The following SGCZ variants were observed in gnomAD, a reference collection of about 807,000 sequenced individuals.
The protein encoded by SGCZ is zeta-sarcoglycan.
Under a neutral mutation model 41.3 loss-of-function variants are expected in SGCZ, and 40 were observed. The observed-to-expected ratio is 0.97, with a 90% CI of 0.75 to 1.26. The LOEUF is 1.26. SGCZ is among the 50% of genes most tolerant of loss of function. The probability of loss-of-function intolerance (pLI) is 0.00; values close to 1 mark genes in which losing one functional copy is unlikely to be tolerated. For missense variants in SGCZ, 552 were observed against 369.8 expected, an observed-to-expected ratio of 1.49 and a Z score of -4.04; for synonymous variants, 206 against 137.5, an observed-to-expected ratio of 1.50 and a Z score of -3.49.
In SGCZ at chr8:15,143,599, A is replaced by G. The variant is rs565900145; in HGVS notation, c.39+93986T>C. ...TGAAAACCATGGCTTACAAAAACAC[A>G]TGGGTTTAACCCATCTATTAACACA... On this transcript the variant is annotated intron_variant, in intron 1 of 7. Coordinates refer to ENST00000382080, the MANE Select transcript of SGCZ (RefSeq NM_139167.4). 1.7e-4 allele frequency among the ~76,000 whole-genome samples: 26 copies of G among 152,352 alleles called. No individual in the cohort carries two copies. The South Asian group carries it at 4.1e-3, about 24-fold the overall frequency.
intron 1 of SGCZ, among the ~76,000 whole-genome samples, chr8:14,795,136 T>C (rs1801082587): frequency 6.6e-6 from 1 of 152,124 alleles, no homozygotes; most frequent in South Asian, 2.1e-4. Flanking sequence ...GGGTTTAAAA[T>C]CAAAATGGAT....
At chr8:14,501,974 A>C (rs1173113743) in intron 2 of SGCZ, among the ~76,000 whole-genome samples, 2 of 152,158 alleles carry the variant, frequency 1.3e-5, no homozygotes, top group Non-Finnish European at 2.9e-5. Context: ...AGTATAATCC[A>C]TAATCATTTG....
At chr8:14,253,370 T>G in intron 3 of SGCZ, among the ~76,000 whole-genome samples, 1 of 152,118 alleles carries the variant, frequency 6.6e-6, no homozygotes, top group East Asian at 1.9e-4. Context: ...TATTATAAGA[T>G]AAAAGCATAG....
intron 1 of SGCZ, among the ~76,000 whole-genome samples, chr8:14,812,299 G>T (rs1427693608): frequency 6.6e-6 from 1 of 151,914 alleles, no homozygotes; most frequent in Non-Finnish European, 1.5e-5. Flanking sequence ...ACAGAATATT[G>T]TCTCTGCCCT....
At position 14,403,196 on chromosome 8, in the gene SGCZ, C is replaced by T. The variant is rs1454072248; in HGVS notation, c.235-78992G>A. Among the ~76,000 whole-genome samples, 16 of 150,002 alleles carry T rather than the reference C, an allele frequency of 1.1e-4. 1 individual carries two copies. Among genetic ancestry groups the T allele is most frequent in the African/African-American group, 1.5e-4 (6 of 39,444 alleles). On this transcript the variant is annotated intron_variant, in intron 2 of 7. Coordinates refer to ENST00000382080, the MANE Select transcript of SGCZ (RefSeq NM_139167.4). ...AGCTTAAGGAGATTTTGGGCTGAGA[C>T]GATGGGGTTTTCTAGATATACAATC... is the stretch of plus-strand genomic sequence containing the variant.
At chr8:14,281,364 C>G (rs1349403672) in intron 3 of SGCZ, among the ~76,000 whole-genome samples, 1 of 151,950 alleles carries the variant, frequency 6.6e-6, no homozygotes. Flanking sequence ...AAAACTGTCA[C>G]TATTAGCTCC....
chr8:14,914,098 A>G (rs747020890), intron 1 of SGCZ, among the ~76,000 whole-genome samples: 10 of 151,998 alleles, frequency 6.6e-5, no homozygotes, highest in Non-Finnish European at 1.0e-4. Context: ...GGTGTGAGAG[A>G]TTACTCAGAA....
At chr8:14,833,868 C>T (rs1461985726) in intron 1 of SGCZ, among the ~76,000 whole-genome samples, 1 of 151,924 alleles carries the variant, frequency 6.6e-6, no homozygotes, top group Non-Finnish European at 1.5e-5. Flanking sequence ...ATAAATGGGT[C>T]CTCTCTAAGA....
intron 1 of SGCZ, among the ~76,000 whole-genome samples, chr8:14,832,888 T>A (rs1201976719): frequency 6.6e-6 from 1 of 152,170 alleles, no homozygotes. Context: ...AGGTAGGTTT[T>A]TTTAACTATA....
chr8:14,132,542 A>G (rs926443875), intron 5 of SGCZ, among the ~76,000 whole-genome samples: 4 of 152,146 alleles, frequency 2.6e-5, no homozygotes, highest in African/African-American at 7.2e-5. Flanking sequence ...CTATTTAACA[A>G]TATTCTTATT....
chr8:14,434,993 GTTCA>G (rs941699818), intron 2 of SGCZ, among the ~76,000 whole-genome samples: 1 of 151,982 alleles, frequency 6.6e-6, no homozygotes, highest in Admixed American at 6.6e-5. Context: ...ATAAATTTGT[GTTCA>G]TTATTTAAAA....
At chr8:15,132,756 G>A (rs533516617) in intron 1 of SGCZ, among the ~76,000 whole-genome samples, 69 of 152,216 alleles carry the variant, frequency 4.5e-4, no homozygotes, top group African/African-American at 1.5e-3. Flanking sequence ...TTACACCATG[G>A]CAGTCAGCAA....
chr8:14,233,627 C>T (rs942135453), intron 4 of SGCZ, among the ~76,000 whole-genome samples: 115 of 146,610 alleles, frequency 7.8e-4, no homozygotes, highest in African/African-American at 2.6e-3. Flanking sequence ...ATATATCTTT[C>T]CTGAGATAAT....
chr8:14,595,816 T>G (rs534446236), intron 1 of SGCZ, among the ~76,000 whole-genome samples: 82 of 152,346 alleles, frequency 5.4e-4, no homozygotes, highest in African/African-American at 1.8e-3. Context: ...TTAATTGTTC[T>G]GACAATTGTC....
At chr8:14,468,397 G>C (rs1166948153) in intron 2 of SGCZ, among the ~76,000 whole-genome samples, 6 of 151,918 alleles carry the variant, frequency 3.9e-5, no homozygotes, top group Non-Finnish European at 7.4e-5. Flanking sequence ...TAAATATCTT[G>C]CTCTAATAAT....
At chr8:14,473,690 C>G (rs2116984684) in intron 2 of SGCZ, among the ~76,000 whole-genome samples, 1 of 152,170 alleles carries the variant, frequency 6.6e-6, no homozygotes, top group South Asian at 2.1e-4. Context: ...GTAATCCCAG[C>G]ACTTTGGGAG....
chr8:14,999,862 C>G (rs1802351545), intron 1 of SGCZ, among the ~76,000 whole-genome samples: 1 of 152,184 alleles, frequency 6.6e-6, no homozygotes, highest in Admixed American at 6.5e-5. Flanking sequence ...GCAGGATGAG[C>G]ATCCTGTTTT....
intron 1 of SGCZ, among the ~76,000 whole-genome samples, chr8:14,713,905 TA>T (rs1370599989): frequency 1.3e-5 from 2 of 152,180 alleles, no homozygotes; most frequent in Non-Finnish European, 2.9e-5. Flanking sequence ...CGATATTTTT[TA>T]AACCTTTAAA....
At chr8:14,971,075 G>C (rs533325602) in intron 1 of SGCZ, among the ~76,000 whole-genome samples, 6 of 151,934 alleles carry the variant, frequency 3.9e-5, no homozygotes, top group Admixed American at 1.3e-4. Flanking sequence ...TCAATTGCTT[G>C]TTGCTAGTTT....
Sources: allele counts gnomAD v4.1 joint callset (sites outside exome capture counted in the v4.1 genomes callset), GRCh38; gene constraint gnomAD v4.1.1; transcripts MANE v1.5; gene names NCBI Gene and HGNC (gene_info 2026-07-23, HGNC 2026-07-21).